Variants in NKAIN3 observed in about 807,000 individuals in gnomAD.
The protein encoded by NKAIN3 is sodium/potassium transporting ATPase interacting 3, also known as sodium/potassium-transporting ATPase subunit beta-1-interacting protein 3.
Under a neutral mutation model 30.2 loss-of-function variants are expected in NKAIN3, and 25 were observed. The observed-to-expected ratio is 0.83, with a 90% CI of 0.60 to 1.16. NKAIN3 has a LOEUF of 1.16. Among genes scored for constraint, NKAIN3 ranks in the 50% most tolerant of loss-of-function variants. NKAIN3 has a pLI of 0.00. For synonymous variants in NKAIN3, 91 were observed against 89.6 expected, an observed-to-expected ratio of 1.02 and a Z score of -0.09; for missense variants, 225 against 254.1, an observed-to-expected ratio of 0.89 and a Z score of 0.78.
intron 4 of NKAIN3, among the ~76,000 whole-genome samples, chr8:62,755,384 TACA>T (rs1434160340): frequency 1.4e-4 from 22 of 152,342 alleles, no homozygotes; most frequent in Middle Eastern, 3.4e-3. Context: ...AAAATAAAAG[TACA>T]ATTATGTCTA....
At chr8:62,592,345 G>T (rs773268381) in intron 3 of NKAIN3, among the ~76,000 whole-genome samples, 18 of 151,916 alleles carry the variant, frequency 1.2e-4, no homozygotes, top group Non-Finnish European at 2.6e-4. Context: ...GTTTTAAAAA[G>T]ATCATTTTAA....
chr8:62,529,702 T>C (rs1808426908), intron 1 of NKAIN3, among the ~76,000 whole-genome samples: 1 of 152,060 alleles, frequency 6.6e-6, no homozygotes, highest in African/African-American at 2.4e-5. Flanking sequence ...ATATTTGTTG[T>C]TTATAAGCCA....
intron 4 of NKAIN3, among the ~76,000 whole-genome samples, chr8:62,914,293 T>G (rs564257596): frequency 6.6e-6 from 1 of 152,202 alleles, no homozygotes; most frequent in Non-Finnish European, 1.5e-5. Flanking sequence ...AGCTAAATGA[T>G]AAGAACTTAT....
chr8:62,767,633 T>A (rs543539567), intron 4 of NKAIN3, among the ~76,000 whole-genome samples: 1 of 152,300 alleles, frequency 6.6e-6, no homozygotes, highest in Non-Finnish European at 1.5e-5. Context: ...TCTCTTAACT[T>A]CTGAGTATTT....
At position 62,823,841 on chromosome 8, in the gene NKAIN3, C is replaced by G. The variant is rs533591584; in HGVS notation, c.471+76712C>G. Among the ~76,000 whole-genome samples, 6 of 152,232 alleles carry G rather than the reference C, an allele frequency of 3.9e-5. No homozygotes were observed. The South Asian group carries it at 1.2e-3, about 32-fold the overall frequency. ...AAGGTAGTGTCATTCCAACCTTATT[C>G]GCTATAGTATCTAAAATCAAACTCT... On this transcript the variant is annotated intron_variant, in intron 4 of 6. Transcript: ENST00000623646.
chr8:62,497,674 A>G (rs1403554482), intron 1 of NKAIN3, among the ~76,000 whole-genome samples: 1 of 152,098 alleles, frequency 6.6e-6, no homozygotes, highest in Non-Finnish European at 1.5e-5. Context: ...GGAGTGATCC[A>G]AAACATCCCT....
chr8:62,759,239 T>A (rs937897746), intron 4 of NKAIN3, among the ~76,000 whole-genome samples: 6 of 152,294 alleles, frequency 3.9e-5, no homozygotes, highest in African/African-American at 1.4e-4. Context: ...CATGGATGGG[T>A]TGTTCTGGAG....
At chr8:62,586,784 A>G (rs533738888) in intron 2 of NKAIN3, among the ~76,000 whole-genome samples, 21 of 152,194 alleles carry the variant, frequency 1.4e-4, no homozygotes, top group Admixed American at 3.3e-4. Flanking sequence ...GAAGCCACAT[A>G]GAATGCATAA....
chr8:62,455,413 A>G (rs1805784022), intron 1 of NKAIN3, among the ~76,000 whole-genome samples: 1 of 152,210 alleles, frequency 6.6e-6, no homozygotes, highest in Admixed American at 6.5e-5. Flanking sequence ...GAATTAACGC[A>G]GGAACAGGAA....
Position 62,920,343 on chromosome 8 carries a change from G to A in NKAIN3, c.532+1830G>A, listed in dbSNP as rs570430074. Among the ~76,000 whole-genome samples the A allele has an allele frequency of 3.9e-5, 6 of 152,272 alleles. No individual in the cohort carries two copies. The South Asian group carries it at 1.2e-3, about 32-fold the overall frequency. On this transcript the variant is annotated intron_variant, in intron 5 of 6. Coordinates refer to ENST00000623646, the MANE Select transcript of NKAIN3 (RefSeq NM_001304533.3). ...GGTCAAAGACTCTCAAAAGACACCA[G>A]TGCTCAGTTGTACCTAACAGTGGGA...
chr8:62,865,936 CAT>C (rs1820401026), intron 4 of NKAIN3, among the ~76,000 whole-genome samples: 1 of 152,072 alleles, frequency 6.6e-6, no homozygotes, highest in Non-Finnish European at 1.5e-5. Context: ...CTTTTCATTC[CAT>C]AACAGTCCTT....
intron 4 of NKAIN3, among the ~76,000 whole-genome samples, chr8:62,778,651 G>A (rs1467047122): frequency 6.6e-6 from 1 of 152,074 alleles, no homozygotes; most frequent in African/African-American, 2.4e-5. Flanking sequence ...TGCTTTGAGA[G>A]GGCGAGAGAC....
chr8:62,648,576 G>C (rs1002560547), intron 3 of NKAIN3, among the ~76,000 whole-genome samples: 2 of 152,156 alleles, frequency 1.3e-5, no homozygotes, highest in Admixed American at 6.5e-5. Context: ...CACCTAGTTA[G>C]CTTCATAGGA....
chr8:62,307,683 T>G (rs1814294319), intron 1 of NKAIN3, among the ~76,000 whole-genome samples: 1 of 150,690 alleles, frequency 6.6e-6, no homozygotes, highest in South Asian at 2.1e-4. Context: ...TGGCCTCAAG[T>G]TGTTTGTATC....
chr8:62,249,066 C>A lies in NKAIN3; in HGVS notation c.-8C>A, dbSNP rs1404472580. 2.0e-6 allele frequency: 3 copies of A among 1,535,494 alleles called. No homozygotes were observed. The highest frequency in any genetic ancestry group is 1.7e-6 in the Non-Finnish European group (2 of 1,143,138). On this transcript the variant is annotated 5_prime_UTR_variant, in exon 1 of 7. Coordinates refer to ENST00000623646, the MANE Select transcript of NKAIN3 (RefSeq NM_001304533.3). Reference sequence around the variant, plus strand: ...GGCAGTCAGCGCCGCTCGGACGCCGCCGGCACCATGGGCTGCTGCACCGGA... The same window carrying A: ...GGCAGTCAGCGCCGCTCGGACGCCGACGGCACCATGGGCTGCTGCACCGGA...
chr8:62,890,671 C>T (rs1025122102), intron 4 of NKAIN3, among the ~76,000 whole-genome samples: 2 of 152,160 alleles, frequency 1.3e-5, no homozygotes, highest in Non-Finnish European at 2.9e-5. Flanking sequence ...GATGTTGATG[C>T]TCTTGGAATG....
At chr8:62,789,786 C>T (rs903242348) in intron 4 of NKAIN3, among the ~76,000 whole-genome samples, 2 of 152,086 alleles carry the variant, frequency 1.3e-5, no homozygotes, top group African/African-American at 2.4e-5. Context: ...TCTGAATAAA[C>T]CAATAACAGG....
chr8:62,495,507 A>C (rs1482978642), intron 1 of NKAIN3, among the ~76,000 whole-genome samples: 1 of 150,770 alleles, frequency 6.6e-6, no homozygotes, highest in Non-Finnish European at 1.5e-5. Context: ...AGAATACAAA[A>C]GTAGACCTGC....
chr8:62,484,388 A>C (rs1481109963), intron 1 of NKAIN3, among the ~76,000 whole-genome samples: 1 of 152,214 alleles, frequency 6.6e-6, no homozygotes, highest in African/African-American at 2.4e-5. Context: ...GAAGGTCTGC[A>C]TCCCATGAAG....
Sources: gnomAD v4.1 joint callset for allele counts (sites outside exome capture counted in the v4.1 genomes callset) on GRCh38, gnomAD v4.1.1 for gene constraint, MANE v1.5 for transcripts, NCBI Gene and HGNC (gene_info 2026-07-23, HGNC 2026-07-21) for gene names.